The following ABCC11 variants were observed in gnomAD, a reference collection of about 807,000 sequenced individuals.
ABCC11 encodes ATP-binding cassette sub-family C member 11.
In ABCC11, 135 loss-of-function variants were observed where a neutral mutation model predicts 149.3. The observed-to-expected ratio is 0.90, with a 90% CI of 0.79 to 1.04. ABCC11 has a LOEUF of 1.04. ABCC11 is among the 50% of genes least tolerant of loss of function. The probability of loss-of-function intolerance (pLI) is 0.00; values close to 1 mark genes in which losing one functional copy is unlikely to be tolerated. For missense variants in ABCC11, 1,680 were observed against 1,722.1 expected, an observed-to-expected ratio of 0.98 and a Z score of 0.43; for synonymous variants, 665 against 671.4, an observed-to-expected ratio of 0.99 and a Z score of 0.15.
At position 48,167,221 on chromosome 16, in the gene ABCC11, C is replaced by CCTCT; in HGVS notation, c.*52_*53insAGAG. On this transcript the variant is annotated 3_prime_UTR_variant, in exon 30 of 30. Coordinates refer to ENST00000356608, the MANE Select transcript of ABCC11 (RefSeq NM_001370497.1). ...CAGACTGTGGGCCTCGAAGCTGCAC[C>CCTCT]TGTGTGAACCTCTGAGCTCAGCTGC... The CCTCT allele has an allele frequency of 1.3e-6, 1 of 776,952 alleles. No individual in the cohort carries two copies. The highest frequency in any genetic ancestry group is 2.4e-5 in the East Asian group (1 of 41,120). The allele number at this position is 776,952 out of a possible 1,614,324, so 48.1% of individuals were successfully genotyped here. A position where few individuals can be genotyped will look rare whatever the true frequency, so the allele number is the denominator to read the frequency against.
chr16:48,215,459 T>G (rs1969266413), intron 7 of ABCC11, 115 bp from the exon 8 acceptor site: 1 of 1,273,350 alleles, frequency 7.9e-7, no homozygotes, highest in East Asian at 2.4e-5. Flanking sequence ...AAAGAGAGGT[T>G]TTCCAATCAA....
chr16:48,238,232 T>C (rs140917141), intron 1 of ABCC11, among the ~76,000 whole-genome samples: 8 of 152,346 alleles, frequency 5.3e-5, no homozygotes, highest in Non-Finnish European at 1.5e-5. Context: ...TAAGTTTCTA[T>C]ATTTGTGTCT....
intron 6 of ABCC11, among the ~76,000 whole-genome samples, chr16:48,219,138 T>C (rs1481516331): frequency 2.6e-5 from 4 of 151,748 alleles, no homozygotes; most frequent in Admixed American, 2.6e-4. Context: ...GTACCTTGCA[T>C]GTGTACCTAA....
chr16:48,220,634 G>A (rs747958884), intron 6 of ABCC11, among the ~76,000 whole-genome samples: 2 of 152,104 alleles, frequency 1.3e-5, no homozygotes, highest in Admixed American at 6.6e-5. Flanking sequence ...AATCCTATGA[G>A]GTTGGTTCTA....
At chr16:48,203,104 G>A (rs1968134420) in intron 14 of ABCC11, 124 bp downstream of exon 14, 1 of 1,077,146 alleles carries the variant, frequency 9.3e-7, no homozygotes, top group South Asian at 1.6e-5. Context: ...TGCAGCAGCT[G>A]CAGGAAAAAC....
chr16:48,209,023 A>G (rs1234235449), intron 11 of ABCC11, among the ~76,000 whole-genome samples: 3 of 152,216 alleles, frequency 2.0e-5, no homozygotes, highest in African/African-American at 4.8e-5. Context: ...AGACTACATA[A>G]ATAAATAAAT....
chr16:48,205,709 C>A (rs774924122), intron 12 of ABCC11, among the ~76,000 whole-genome samples, 172 bp from the exon 13 acceptor site: 3 of 152,226 alleles, frequency 2.0e-5, no homozygotes, highest in Non-Finnish European at 4.4e-5. Flanking sequence ...GTTCCAGGGA[C>A]CGGCCATGAG....
chr16:48,171,140 G>A (rs1248911195), intron 26 of ABCC11, among the ~76,000 whole-genome samples, 173 bp from the exon 27 acceptor site: 2 of 152,166 alleles, frequency 1.3e-5, no homozygotes, highest in East Asian at 3.9e-4. Flanking sequence ...TGTTCCTTCT[G>A]CAGGCAGCAG....
In ABCC11 at chr16:48,230,583, G is replaced by T. The variant is rs1373538233; in HGVS notation, c.100-10C>A. The T allele has an allele frequency of 1.9e-6, 3 of 1,549,522 alleles. No individual in the cohort carries two copies. The highest frequency in any genetic ancestry group is 2.6e-6 in the Non-Finnish European group (3 of 1,145,604). ...GGAGAGTATAGGTTTTCTTGGAAAA[G>T]AAAAACAAAAGAGCATCAGTTTCAA... On this transcript the variant is annotated splice_polypyrimidine_tract_variant and intron_variant, in intron 2 of 29. Transcript: ENST00000356608.
rs944113917 is a variant in ABCC11, at chr16:48,206,829, A to G, written c.1681-1292T>C. Among the ~76,000 whole-genome samples, 3 of 152,210 alleles carry G rather than the reference A, an allele frequency of 2.0e-5. 1 individual carries two copies. In the South Asian group the frequency reaches 6.2e-4, roughly 32 times the overall value. ...TCACCTCTCAGAACCTCACGTACTC[A>G]TCTGTAAATGGGTCATCGTGAGTAT... On this transcript the variant is annotated intron_variant, in intron 12 of 29. Transcript: ENST00000356608.
chr16:48,170,536 C>T (rs920155449), intron 27 of ABCC11, among the ~76,000 whole-genome samples: 35 of 152,276 alleles, frequency 2.3e-4, no homozygotes, highest in African/African-American at 8.2e-4. Context: ...CCTGCCCTGA[C>T]GTTTCTATGG....
chr16:48,208,639 G>T, intron 11 of ABCC11, 143 bp from the exon 12 acceptor site: 1 of 851,012 alleles, frequency 1.2e-6, no homozygotes, highest in Non-Finnish European at 1.8e-6. Context: ...CCTCAGACAG[G>T]CAAAGCTCAA....
Position 48,220,991 on chromosome 16 carries a change from C to T in ABCC11, c.777+1607G>A, listed in dbSNP as rs146718469. Among the ~76,000 whole-genome samples, 275 of 152,206 alleles carry T rather than the reference C, an allele frequency of 1.8e-3. 2 individuals are homozygous for T. The highest frequency in any genetic ancestry group is 6.8e-3 in the Middle Eastern group (2 of 294). ...AGTAGAAGGCTGGGTTTGGAGATCC[C>T]GTCACGGAGGAGAGGAAAAATAAAC... is the stretch of plus-strand genomic sequence containing the variant. On this transcript the variant is annotated intron_variant, in intron 6 of 29. Coordinates refer to ENST00000356608, the MANE Select transcript of ABCC11 (RefSeq NM_001370497.1).
rs1293809244 is a variant in ABCC11 at position 48,166,648 on chromosome 16, G to A, written c.*626C>T. On this transcript the variant is annotated 3_prime_UTR_variant, in exon 30 of 30. Transcript: ENST00000356608. Reference sequence around the variant, plus strand: ...AACCTCAGCACTTTGGGAGGCCAAGGCAAGCGGATCACTTGAGATCAGCCT... The same window carrying A: ...AACCTCAGCACTTTGGGAGGCCAAGACAAGCGGATCACTTGAGATCAGCCT... Among the ~76,000 whole-genome samples the A allele has an allele frequency of 6.6e-6, 1 of 152,154 alleles. No individual in the cohort carries two copies. Among genetic ancestry groups the A allele is most frequent in the Non-Finnish European group, 1.5e-5 (1 of 68,028 alleles).
At chr16:48,203,407 C>T in intron 13 of ABCC11, 107 bp from the exon 14 acceptor site, 3 of 1,057,208 alleles carry the variant, frequency 2.8e-6, no homozygotes, top group South Asian at 2.9e-5. Context: ...GAAATTTAGA[C>T]TTGATGGTGT....
At chr16:48,181,777 AT>A (rs1248722354) in intron 23 of ABCC11, among the ~76,000 whole-genome samples, 3 of 152,070 alleles carry the variant, frequency 2.0e-5, no homozygotes, top group African/African-American at 7.2e-5. Context: ...CGCCAGGCTA[AT>A]TTTTTTGTAT....
intron 6 of ABCC11, among the ~76,000 whole-genome samples, chr16:48,220,996 C>T (rs1200105084): frequency 1.3e-5 from 2 of 152,172 alleles, no homozygotes; most frequent in South Asian, 2.1e-4. Flanking sequence ...GATCCCGTCA[C>T]GGAGGAGAGG....
At chr16:48,194,119 T>C (rs1002510979) in intron 18 of ABCC11, 137 bp from the exon 19 acceptor site, 9 of 582,736 alleles carry the variant, frequency 1.5e-5, no homozygotes, top group Non-Finnish European at 2.5e-5. Context: ...CTTGGAGGAA[T>C]GGGAAGAGCT....
rs147729951 is a variant in ABCC11 at position 48,222,689 on chromosome 16, C to T, written c.686G>A (p.Arg229His). 1.7e-4 allele frequency: 269 copies of T among 1,614,134 alleles called. No individual in the cohort carries two copies. The African/African-American group carries it at 1.8e-3, about 11-fold the overall frequency. ...SFSSSWIINQ[R>H]TAIRFRAAVS... ...AGCTGCTCGGAACCTGATGGCTGTG[C>T]GTTGGTTGATGATCCAACTGGAGGA... Residue 229 changes from arginine (R) to histidine (H), a missense_variant, in exon 6 of 30, where the codon CGC becomes CAC. Physicochemically the swap from Arg to His is conservative, Grantham distance 29. Transcript: ENST00000356608.
Sources: allele counts gnomAD v4.1 joint callset (sites outside exome capture counted in the v4.1 genomes callset), GRCh38; gene constraint gnomAD v4.1.1; transcripts MANE v1.5; gene names NCBI Gene and HGNC (gene_info 2026-07-23, HGNC 2026-07-21).